The following LUZP2 variants were observed in gnomAD, a reference collection of about 807,000 sequenced individuals.
The protein encoded by LUZP2 is leucine zipper protein 2.
LUZP2 carries 52 observed loss-of-function variants against 51.6 expected under a neutral mutation model. That is an observed-to-expected ratio of 1.01 (90% CI 0.81 to 1.27). LUZP2 has a LOEUF of 1.27. Ranked by LOEUF, LUZP2 falls within the 50% of genes most tolerant of loss-of-function variation. The probability of loss-of-function intolerance (pLI) is 0.00; values close to 1 mark genes in which losing one functional copy is unlikely to be tolerated. For synonymous variants in LUZP2, 154 were observed against 137.3 expected (o/e 1.12, Z -0.85); for missense variants, 436 against 395.4 (o/e 1.10, Z -0.87).
chr11:24,734,345 G>A (rs972811667), intron 3 of LUZP2, among the ~76,000 whole-genome samples: 12 of 140,876 alleles, frequency 8.5e-5, no homozygotes, highest in Non-Finnish European at 1.7e-4. Flanking sequence ...TGATTCACAT[G>A]ACACCAAAAA....
intron 10 of LUZP2, among the ~76,000 whole-genome samples, chr11:25,071,868 A>G (rs1204302529): frequency 5.3e-5 from 8 of 151,988 alleles, no homozygotes. Flanking sequence ...TAAATAAATC[A>G]CACATGATGA....
intron 1 of LUZP2, among the ~76,000 whole-genome samples, chr11:24,637,239 A>G (rs1305805579): frequency 1.3e-5 from 2 of 151,806 alleles, no homozygotes; most frequent in Admixed American, 1.3e-4. Context: ...TGAAGATTTC[A>G]TGGACATTTA....
chr11:25,062,804 A>G (rs962203246), intron 10 of LUZP2, among the ~76,000 whole-genome samples: 1 of 151,270 alleles, frequency 6.6e-6, no homozygotes, highest in Non-Finnish European at 1.5e-5. Flanking sequence ...ATTATATGCT[A>G]CCAGATTAAG....
chr11:24,507,131 C>T (rs571773993), intron 1 of LUZP2, among the ~76,000 whole-genome samples: 76 of 152,158 alleles, frequency 5.0e-4, no homozygotes, highest in Admixed American at 3.9e-4. Context: ...CAAGTATGCT[C>T]CTCATTCTAA....
At chr11:24,753,795 C>T (rs1228459741) in intron 4 of LUZP2, among the ~76,000 whole-genome samples, 1 of 152,136 alleles carries the variant, frequency 6.6e-6, no homozygotes, top group African/African-American at 2.4e-5. Flanking sequence ...CCAAGGGACC[C>T]TGGCCTTTCT....
At chr11:25,067,345 T>C (rs1859026481) in intron 10 of LUZP2, among the ~76,000 whole-genome samples, 1 of 152,106 alleles carries the variant, frequency 6.6e-6, no homozygotes, top group African/African-American at 2.4e-5. Context: ...CTCACTCTAA[T>C]AATAGTTTAT....
chr11:24,955,854 AC>A (rs1329528645), intron 7 of LUZP2, among the ~76,000 whole-genome samples: 14 of 152,224 alleles, frequency 9.2e-5, no homozygotes, highest in Admixed American at 7.2e-4. Context: ...TATTGTAAAG[AC>A]AATAAGAAAT....
chr11:24,526,265 CAA>C (rs71041769), intron 1 of LUZP2, among the ~76,000 whole-genome samples: 78 of 141,214 alleles, frequency 5.5e-4, no homozygotes, highest in South Asian at 1.1e-3. Context: ...CACTAGGGGG[CAA>C]AAAAAAAAAA....
chr11:24,840,528 G>C (rs892977687), intron 5 of LUZP2, among the ~76,000 whole-genome samples: 17 of 151,834 alleles, frequency 1.1e-4, no homozygotes, highest in Non-Finnish European at 2.2e-4. Context: ...AGTCCTGTAT[G>C]ACCAAAGAAT....
chr11:25,028,307 G>A (rs11028362), intron 9 of LUZP2, among the ~76,000 whole-genome samples: 88,710 of 152,040 alleles, frequency 0.58, 27,531 homozygotes, highest in African/African-American at 0.79. Context: ...GCTCTTATTC[G>A]TTATATTTAA....
intron 10 of LUZP2, among the ~76,000 whole-genome samples, chr11:25,063,769 A>G (rs2134044219): frequency 6.6e-6 from 1 of 151,984 alleles, no homozygotes; most frequent in South Asian, 2.1e-4. Flanking sequence ...TGATAAAAAT[A>G]CATATGATTT....
intron 7 of LUZP2, among the ~76,000 whole-genome samples, chr11:24,968,853 G>T (rs1293683751): frequency 6.6e-6 from 1 of 152,206 alleles, no homozygotes; most frequent in African/African-American, 2.4e-5. Flanking sequence ...GAAAGCTGGT[G>T]CAGTCATGGG....
intron 1 of LUZP2, among the ~76,000 whole-genome samples, chr11:24,665,497 G>A (rs532127364): frequency 6.6e-6 from 1 of 152,206 alleles, no homozygotes; most frequent in Admixed American, 6.5e-5. Flanking sequence ...GGGGTCAGGG[G>A]CAGAATAATA....
At chr11:24,976,003 C>T (rs1855873070) in intron 7 of LUZP2, among the ~76,000 whole-genome samples, 1 of 151,984 alleles carries the variant, frequency 6.6e-6, no homozygotes, top group Admixed American at 6.6e-5. Flanking sequence ...TATTTAGTTT[C>T]TGGCGAAGGC....
intron 9 of LUZP2, among the ~76,000 whole-genome samples, chr11:25,045,373 C>T (rs1414201466): frequency 4.0e-5 from 6 of 148,752 alleles, no homozygotes; most frequent in African/African-American, 9.9e-5. Flanking sequence ...CAGAATAGGA[C>T]GTAAAGAATA....
chr11:24,646,316 G>T (rs2133954100), intron 1 of LUZP2, among the ~76,000 whole-genome samples: 1 of 152,110 alleles, frequency 6.6e-6, no homozygotes, highest in East Asian at 1.9e-4. Flanking sequence ...TTTTATTATT[G>T]TTCAAAATAT....
At chr11:24,716,844 C>G (rs565615783) in intron 1 of LUZP2, among the ~76,000 whole-genome samples, 1 of 151,810 alleles carries the variant, frequency 6.6e-6, no homozygotes, top group Admixed American at 6.6e-5. Flanking sequence ...TGCAGTGAGC[C>G]GACATTGCGC....
At chr11:24,604,574 A>G (rs569023610) in intron 1 of LUZP2, among the ~76,000 whole-genome samples, 58 of 152,036 alleles carry the variant, frequency 3.8e-4, no homozygotes, top group Middle Eastern at 3.4e-3. Context: ...AAACGGTGGC[A>G]TAGACTAAAA....
chr11:24,909,041 A>T (rs1853547234), intron 6 of LUZP2, among the ~76,000 whole-genome samples: 1 of 152,026 alleles, frequency 6.6e-6, no homozygotes, highest in East Asian at 1.9e-4. Flanking sequence ...GATTACAGGC[A>T]TGAGCCACCG....
Sources: gnomAD v4.1 joint callset for allele counts (sites outside exome capture counted in the v4.1 genomes callset) on GRCh38, gnomAD v4.1.1 for gene constraint, MANE v1.5 for transcripts, NCBI Gene and HGNC (gene_info 2026-07-23, HGNC 2026-07-21) for gene names.